GRID1: variants seen among roughly 807,000 people sequenced by gnomAD.
GRID1 encodes glutamate receptor ionotropic, delta-1.
GRID1 carries 28 observed loss-of-function variants against 98.0 expected under a neutral mutation model. The ratio of observed to expected loss-of-function variants is 0.29; its 90% CI spans 0.21 to 0.39. GRID1 has a LOEUF of 0.39. Among genes scored for constraint, GRID1 ranks in the 10% least tolerant of loss-of-function variants. The pLI, the probability that GRID1 is intolerant of heterozygous loss-of-function variation, is 1.00. For missense variants in GRID1, 1,111 were observed against 1,340.5 expected (o/e 0.83, Z 2.67); for synonymous variants, 553 against 538.5 (o/e 1.03, Z -0.37).
intron 5 of GRID1, among the ~76,000 whole-genome samples, chr10:85,881,204 T>C (rs1841008257): frequency 6.6e-6 from 1 of 152,144 alleles, no homozygotes; most frequent in African/African-American, 2.4e-5. Context: ...CTGCCCAAGG[T>C]AATTTATAGA....
chr10:86,098,197 G>GA (rs1844248307), intron 4 of GRID1, among the ~76,000 whole-genome samples: 1 of 152,166 alleles, frequency 6.6e-6, no homozygotes, highest in Non-Finnish European at 1.5e-5. Flanking sequence ...TTAAAAGGAT[G>GA]ATCTTAAATC....
chr10:86,288,310 C>G (rs1014909959), intron 2 of GRID1, among the ~76,000 whole-genome samples: 1 of 152,198 alleles, frequency 6.6e-6, no homozygotes, highest in African/African-American at 2.4e-5. Flanking sequence ...CCCAGGGAGC[C>G]TGGGAGAGCC....
chr10:85,959,086 C>T (rs532592602), intron 4 of GRID1, among the ~76,000 whole-genome samples: 1 of 152,320 alleles, frequency 6.6e-6, no homozygotes, highest in East Asian at 1.9e-4. Flanking sequence ...TGAACTGAAT[C>T]CTCTTTCAGA....
chr10:86,029,741 G>T (rs763709232), intron 4 of GRID1, among the ~76,000 whole-genome samples: 1 of 151,930 alleles, frequency 6.6e-6, no homozygotes, highest in African/African-American at 2.4e-5. Context: ...AAAGGGATGG[G>T]TAACATAGAA....
rs183560063 is a variant in GRID1 at position 85,629,218 on chromosome 10, G to T, written c.2194-9185C>A. Among the ~76,000 whole-genome samples, 3 of 152,240 alleles carry T rather than the reference G, an allele frequency of 2.0e-5. No homozygotes were observed. In the East Asian group the frequency reaches 5.8e-4, roughly 29 times the overall value. ...GCCACCAATCCCTTTTTTTCCATGA[G>T]TTCCTTTTCTTTGTTAGAAAATTTG... On this transcript the variant is annotated intron_variant, in intron 13 of 15. Coordinates refer to ENST00000327946, the MANE Select transcript of GRID1 (RefSeq NM_017551.3).
chr10:85,696,305 A>C (rs1841392261), intron 12 of GRID1, among the ~76,000 whole-genome samples: 1 of 151,592 alleles, frequency 6.6e-6, no homozygotes, highest in South Asian at 2.1e-4. Flanking sequence ...CTATGACATT[A>C]AAAAAAATAG....
chr10:86,229,362 T>C (rs1846411783), intron 2 of GRID1, among the ~76,000 whole-genome samples: 1 of 152,098 alleles, frequency 6.6e-6, no homozygotes, highest in African/African-American at 2.4e-5. Context: ...AGAGTAAGGA[T>C]GAAGAAGCCA....
intron 5 of GRID1, among the ~76,000 whole-genome samples, chr10:85,912,205 T>C (rs1175047916): frequency 6.6e-6 from 1 of 152,226 alleles, no homozygotes; most frequent in Non-Finnish European, 1.5e-5. Context: ...CATTTTGTTT[T>C]CCACAAGTTC....
At chr10:85,756,147 A>T (rs935589303) in intron 8 of GRID1, among the ~76,000 whole-genome samples, 2 of 152,182 alleles carry the variant, frequency 1.3e-5, no homozygotes, top group Non-Finnish European at 2.9e-5. Context: ...GTTTCTGTTC[A>T]TGTTCTTCTC....
chr10:85,739,781 G>T (rs12267276), intron 8 of GRID1, among the ~76,000 whole-genome samples: 8 of 151,994 alleles, frequency 5.3e-5, no homozygotes, highest in African/African-American at 1.9e-4. Context: ...GCTCCATGGT[G>T]TGTGGGGGGA....
intron 8 of GRID1, among the ~76,000 whole-genome samples, chr10:85,762,276 T>C (rs939574225): frequency 2.0e-5 from 3 of 152,202 alleles, no homozygotes; most frequent in African/African-American, 7.2e-5. Flanking sequence ...TCACTGACAC[T>C]CCATTGTTCC....
chr10:86,289,705 A>G (rs1847485110), intron 2 of GRID1, among the ~76,000 whole-genome samples: 2 of 151,922 alleles, frequency 1.3e-5, no homozygotes. Flanking sequence ...CTCCTAGTCC[A>G]TGACTTCTAG....
chr10:86,045,996 G>C (rs1319370474), intron 4 of GRID1, among the ~76,000 whole-genome samples: 1 of 152,126 alleles, frequency 6.6e-6, no homozygotes, highest in African/African-American at 2.4e-5. Context: ...TAGGAGGTGG[G>C]ACTCAACTCT....
At chr10:86,068,844 G>A (rs1371916008) in intron 4 of GRID1, among the ~76,000 whole-genome samples, 2 of 152,180 alleles carry the variant, frequency 1.3e-5, no homozygotes, top group Admixed American at 1.3e-4. Flanking sequence ...CTGTCCAAGT[G>A]CCCTCTCTGC....
intron 15 of GRID1, chr10:85,607,346 ACTGAGCTGGCTGTTGGTGGCATTAT>A (rs1459456566): frequency 6.6e-6 from 1 of 152,172 alleles, no homozygotes; most frequent in East Asian, 1.9e-4. Context: ...CTTCCCCCTG[ACTGAGCTGGCTGTTGGTGGCATTAT>A]CCTATTACCA....
intron 13 of GRID1, among the ~76,000 whole-genome samples, chr10:85,632,271 A>G (rs1055764654): frequency 2.0e-5 from 3 of 152,264 alleles, no homozygotes; most frequent in Middle Eastern, 3.4e-3. Context: ...GACAGCATCA[A>G]TGGGCACCCT....
At chr10:86,148,987 C>T (rs894280176) in intron 3 of GRID1, among the ~76,000 whole-genome samples, 1 of 152,226 alleles carries the variant, frequency 6.6e-6, no homozygotes, top group Admixed American at 6.5e-5. Flanking sequence ...GCATACATCA[C>T]AGCTGGCACA....
intron 5 of GRID1, among the ~76,000 whole-genome samples, chr10:85,877,911 A>C (rs1840924171): frequency 6.6e-6 from 1 of 152,232 alleles, no homozygotes; most frequent in South Asian, 2.1e-4. Flanking sequence ...TAACCAATGC[A>C]CAGAAGTCCT....
At chr10:86,047,301 C>G (rs1255102569) in intron 4 of GRID1, among the ~76,000 whole-genome samples, 1 of 152,222 alleles carries the variant, frequency 6.6e-6, no homozygotes, top group African/African-American at 2.4e-5. Context: ...GGAGCAGAGC[C>G]AACCCCTGCT....
Sources: gnomAD v4.1 joint callset for allele counts (sites outside exome capture counted in the v4.1 genomes callset) on GRCh38, gnomAD v4.1.1 for gene constraint, MANE v1.5 for transcripts, NCBI Gene and HGNC (gene_info 2026-07-23, HGNC 2026-07-21) for gene names.